SGCG: variants seen among roughly 807,000 people sequenced by gnomAD.
SGCG encodes the protein sarcoglycan gamma.
In SGCG, 26 loss-of-function variants were observed where a neutral mutation model predicts 29.3. That is an observed-to-expected ratio of 0.89 (90% CI 0.65 to 1.23). The LOEUF (loss-of-function observed/expected upper bound fraction) is 1.23, where lower values mean the gene tolerates loss of function less well. Ranked by LOEUF, SGCG falls within the 50% of genes most tolerant of loss-of-function variation. The pLI is 0.00. For missense variants in SGCG, 353 were observed against 356.0 expected, an observed-to-expected ratio of 0.99 and a Z score of 0.07; for synonymous variants, 145 against 129.7, an observed-to-expected ratio of 1.12 and a Z score of -0.80.
chr13:23,163,802 C>A, the SGCG span, among the ~76,000 whole-genome samples: 15 of 152,066 alleles, frequency 9.9e-5, no homozygotes, highest in Admixed American at 4.6e-4. Flanking sequence ...TAACTAAAAT[C>A]ATATTGAATT....
At chr13:23,257,325 T>C (rs1007915935) in intron 4 of SGCG, among the ~76,000 whole-genome samples, 1 of 152,190 alleles carries the variant, frequency 6.6e-6, no homozygotes, top group African/African-American at 2.4e-5. Context: ...GTTTGTTATG[T>C]ATGTATACAC....
At position 23,273,958 on chromosome 13, in the gene SGCG, T is replaced by G. The variant is rs373535627; in HGVS notation, c.386-5401T>G. On this transcript the variant is annotated intron_variant, in intron 4 of 7. Transcript: ENST00000218867. ...ACTTGACCTGTCTTGTACTGAAAGTTGTGTATTAAATCTAGCATTATTAGT... is the reference window on the plus strand; with the variant it reads ...ACTTGACCTGTCTTGTACTGAAAGTGGTGTATTAAATCTAGCATTATTAGT... 8.5e-5 allele frequency among the ~76,000 whole-genome samples: 13 copies of G among 152,310 alleles called. No homozygotes were observed. The South Asian group carries it at 2.5e-3, about 29-fold the overall frequency.
chr13:23,193,638 A>G (rs972695092), intron 1 of SGCG, among the ~76,000 whole-genome samples: 1 of 152,222 alleles, frequency 6.6e-6, no homozygotes. Context: ...GGAGGTGAGG[A>G]GAAAGTTATT....
chr13:23,192,933 C>T (rs955954761), intron 1 of SGCG, among the ~76,000 whole-genome samples: 2 of 152,200 alleles, frequency 1.3e-5, no homozygotes, highest in Non-Finnish European at 2.9e-5. Context: ...AACAGACACC[C>T]TTCCTGTCTT....
At chr13:23,161,170 A>G in the SGCG span, among the ~76,000 whole-genome samples, 1 of 152,212 alleles carries the variant, frequency 6.6e-6, no homozygotes, top group Non-Finnish European at 1.5e-5. Flanking sequence ...GTCGTCTTCA[A>G]TGGGATTACA....
chr13:23,229,366 G>C (rs942379798), intron 2 of SGCG, among the ~76,000 whole-genome samples: 1 of 152,166 alleles, frequency 6.6e-6, no homozygotes, highest in Admixed American at 6.5e-5. Context: ...AGTTCCTTGT[G>C]GAGTTGCCAC....
chr13:23,292,119 C>CTTTCTT (rs766790049), intron 5 of SGCG, among the ~76,000 whole-genome samples: 1 of 147,464 alleles, frequency 6.8e-6, no homozygotes, highest in African/African-American at 2.6e-5. Flanking sequence ...ACATTTCTTT[C>CTTTCTT]TTTTTTTTGA....
At position 23,274,138 on chromosome 13, in the gene SGCG, A is replaced by C. The variant is rs78265183; in HGVS notation, c.386-5221A>C. On this transcript the variant is annotated intron_variant, in intron 4 of 7. Coordinates refer to ENST00000218867, the MANE Select transcript of SGCG (RefSeq NM_000231.3). ...TGTCATATTTAACGCTTTTGACTTG[A>C]ATTCCACTTTGTCTGATATCAGGAT... 7.7e-3 allele frequency among the ~76,000 whole-genome samples: 1,165 copies of C among 152,212 alleles called. 18 individuals are homozygous for C. Among genetic ancestry groups the C allele is most frequent in the African/African-American group, 0.026 (1,078 of 41,538 alleles).
In SGCG at chr13:23,203,579, T is replaced by C. The variant is rs563534738; in HGVS notation, c.1-116T>C. The C allele has an allele frequency of 3.6e-5, 27 of 748,726 alleles. No individual in the cohort carries two copies. In the East Asian group the frequency reaches 7.2e-4, roughly 20 times the overall value. 46.4% of individuals were successfully genotyped at this position (748,726 alleles called of 1,614,324 possible). The stretch of plus-strand genomic sequence containing the variant: ...AAAAATCATTAATTTTGGAAATCTA[T>C]GACTGGGATGAAAAATATGTTTTCA... On this transcript the variant is annotated intron_variant, in intron 1 of 7. Coordinates refer to ENST00000218867, the MANE Select transcript of SGCG (RefSeq NM_000231.3).
At chr13:23,252,157 A>G (rs751894630) in intron 4 of SGCG, among the ~76,000 whole-genome samples, 4 of 151,978 alleles carry the variant, frequency 2.6e-5, no homozygotes, top group Non-Finnish European at 5.9e-5. Flanking sequence ...AACAAATTAT[A>G]TTTTCTTGAT....
intron 1 of SGCG, among the ~76,000 whole-genome samples, chr13:23,195,069 A>G (rs979151733): frequency 6.6e-6 from 1 of 152,210 alleles, no homozygotes; most frequent in African/African-American, 2.4e-5. Context: ...GAGGGTAGGT[A>G]TAAATCATGC....
intron 6 of SGCG, among the ~76,000 whole-genome samples, chr13:23,298,598 G>T (rs1882001430): frequency 6.6e-6 from 1 of 152,100 alleles, no homozygotes; most frequent in African/African-American, 2.4e-5. Flanking sequence ...TAACATTAAA[G>T]AATTTTTATA....
chr13:23,182,488 T>G (rs3794370), intron 1 of SGCG, among the ~76,000 whole-genome samples: 73,356 of 149,326 alleles, frequency 0.49, 18,276 homozygotes, highest in East Asian at 0.6. Flanking sequence ...TCTCTCAGCC[T>G]CTATAGCACC....
intron 3 of SGCG, among the ~76,000 whole-genome samples, chr13:23,236,945 C>T (rs77892531): frequency 0.046 from 6,965 of 152,230 alleles, 191 homozygotes; most frequent in South Asian, 0.075. Flanking sequence ...CAAAACTATG[C>T]TTCCTAACTT....
intron 6 of SGCG, among the ~76,000 whole-genome samples, chr13:23,308,652 C>T (rs539550906): frequency 2.2e-4 from 34 of 152,214 alleles, no homozygotes; most frequent in African/African-American, 6.0e-4. Flanking sequence ...GCAGCCTCCA[C>T]CTCCTGGGTT....
chr13:23,203,576 C>A (rs986545401), intron 1 of SGCG, 119 bp from the exon 2 acceptor site: 3 of 741,834 alleles, frequency 4.0e-6, no homozygotes, highest in African/African-American at 3.5e-5. Flanking sequence ...TTTTGGAAAT[C>A]TATGACTGGG....
At chr13:23,161,935 G>C in the SGCG span, among the ~76,000 whole-genome samples, 1 of 152,182 alleles carries the variant, frequency 6.6e-6, no homozygotes, top group Non-Finnish European at 1.5e-5. Flanking sequence ...CCTCACATGT[G>C]CCACGACTGT....
chr13:23,287,879 C>T (rs574853528), intron 5 of SGCG, among the ~76,000 whole-genome samples: 2 of 152,128 alleles, frequency 1.3e-5, no homozygotes, highest in African/African-American at 2.4e-5. Context: ...CTCATCCTCC[C>T]GAGTAGCTGA....
At chr13:23,271,880 T>A (rs1880889503) in intron 4 of SGCG, among the ~76,000 whole-genome samples, 1 of 152,346 alleles carries the variant, frequency 6.6e-6, no homozygotes, top group East Asian at 1.9e-4. Flanking sequence ...TTCACACACA[T>A]CTTATTAAAT....
Sources: gnomAD v4.1 joint callset for allele counts (sites outside exome capture counted in the v4.1 genomes callset) on GRCh38, gnomAD v4.1.1 for gene constraint, MANE v1.5 for transcripts, NCBI Gene and HGNC (gene_info 2026-07-23, HGNC 2026-07-21) for gene names.